Variants in WDR20 observed in about 807,000 individuals in gnomAD.
The protein encoded by WDR20 is WD repeat domain 20.
A neutral mutation model predicts 38.7 loss-of-function variants in WDR20; 3 were observed. The ratio of observed to expected loss-of-function variants is 0.08; its 90% confidence interval spans 0.04 to 0.20. The LOEUF (loss-of-function observed/expected upper bound fraction) is 0.20, where lower values mean the gene tolerates loss of function less well. Among genes scored for constraint, WDR20 ranks in the 10% least tolerant of loss-of-function variants. WDR20 has a pLI of 1.00. For missense variants in WDR20, 559 were observed against 727.7 expected, an observed-to-expected ratio of 0.77 and a Z score of 2.67; for synonymous variants, 298 against 285.6, an observed-to-expected ratio of 1.04 and a Z score of -0.44.
Position 102,181,579 on chromosome 14 carries a change from A to G in WDR20, c.250-13359A>G, listed in dbSNP as rs138359846. ...TCCCCTGATGTAAGACTTAGATTAC[A>G]TAAGATTTTTCCATATTATAAATAT... On this transcript the variant is annotated intron_variant, in intron 1 of 2. Coordinates refer to ENST00000342702, the MANE Select transcript of WDR20 (RefSeq NM_144574.4). 4.7e-3 allele frequency among the ~76,000 whole-genome samples: 708 copies of G among 152,252 alleles called. 6 individuals are homozygous for G. The highest frequency in any genetic ancestry group is 0.016 in the African/African-American group (653 of 41,538).
intron 1 of WDR20, among the ~76,000 whole-genome samples, chr14:102,149,672 AT>A (rs1234646383): frequency 6.6e-6 from 1 of 152,130 alleles, no homozygotes; most frequent in Admixed American, 6.5e-5. Context: ...ATTGAGAAAT[AT>A]TTTGTGTCAT....
chr14:102,212,553 A>T, downstream of WDR20: 1 of 1,535,922 alleles, frequency 6.5e-7, no homozygotes, highest in Non-Finnish European at 8.7e-7. Flanking sequence ...GGAGGACAGG[A>T]TGCAAGGTGT....
At position 102,209,391 on chromosome 14, in the gene WDR20, G is replaced by A. The variant is rs1215214434; in HGVS notation, c.1221G>A (p.Thr407=). Residue 407 remains threonine (T), a synonymous_variant, in exon 3 of 3, where the codon ACG becomes ACA. Transcript: ENST00000342702. This position sits in a 1 kb window ranked among gnomAD's most constrained non-coding sequence, Gnocchi z 6.0. ...ARTHTNVMNA[T]SPPAGSNGNS... is the part of the protein sequence containing the mutation. ...CACACACAAATGTCATGAATGCCACGAGTCCTCCTGCTGGAAGCAATGGGA... is the reference window on the plus strand; with the variant it reads ...CACACACAAATGTCATGAATGCCACAAGTCCTCCTGCTGGAAGCAATGGGA... 7.4e-6 allele frequency: 12 copies of A among 1,614,058 alleles called. No individual in the cohort carries two copies. The highest frequency in any genetic ancestry group is 2.2e-5 in the East Asian group (1 of 44,880).
chr14:102,202,702 T>C (rs895261508), intron 2 of WDR20, among the ~76,000 whole-genome samples: 4 of 151,590 alleles, frequency 2.6e-5, no homozygotes, highest in African/African-American at 9.7e-5. Context: ...TTTTTCAGAG[T>C]TTCACACACT....
intron 2 of WDR20, among the ~76,000 whole-genome samples, chr14:102,206,401 T>C (rs1052166649): frequency 3.9e-5 from 6 of 152,222 alleles, no homozygotes; most frequent in Non-Finnish European, 7.3e-5. Context: ...TGCAAAGCAA[T>C]ACTGTTTTTA....
chr14:102,199,287 A>G (rs981505735), intron 2 of WDR20, among the ~76,000 whole-genome samples: 1 of 151,714 alleles, frequency 6.6e-6, no homozygotes, highest in African/African-American at 2.4e-5. Context: ...TGAGGCTCAG[A>G]TGAGTGAGTT....
At chr14:102,204,774 G>A (rs2061202635) in intron 2 of WDR20, among the ~76,000 whole-genome samples, 1 of 152,234 alleles carries the variant, frequency 6.6e-6, no homozygotes, top group Non-Finnish European at 1.5e-5. Flanking sequence ...AGTTTATCCT[G>A]TAGGTACATT....
intron 1 of WDR20, among the ~76,000 whole-genome samples, chr14:102,187,360 A>G (rs1483446034): frequency 2.0e-5 from 3 of 152,288 alleles, no homozygotes; most frequent in East Asian, 1.9e-4. Flanking sequence ...AGTGTGGCAC[A>G]TAATGATAGG....
chr14:102,169,958 C>G (rs1232127642), intron 1 of WDR20, among the ~76,000 whole-genome samples: 1 of 152,178 alleles, frequency 6.6e-6, no homozygotes, highest in Non-Finnish European at 1.5e-5. Context: ...AATGAAGTCT[C>G]TCACACTTTG....
At chr14:102,223,325 A>C (rs2064117506) in exon 4 of WDR20, 1 of 152,628 alleles carries the variant, frequency 6.6e-6, no homozygotes, top group African/African-American at 2.4e-5. Context: ...TCATAGAGAA[A>C]ACTGTTACTT....
chr14:102,198,269 T>C lies in WDR20; in HGVS notation c.432+3149T>C, dbSNP rs141169525. On this transcript the variant is annotated intron_variant, in intron 2 of 2. Transcript: ENST00000342702. ...TCACCCACCCAAGTACCTGGGATTA[T>C]AGGCCACCTGACTAATTTTTGTATT... The C allele has an allele frequency of 2.1e-3, 716 of 341,506 alleles. 6 individuals are homozygous for C. The highest frequency in any genetic ancestry group is 0.015 in the African/African-American group (655 of 45,126). The allele number at this position is 341,506 out of a possible 1,614,324, so 21.2% of individuals were successfully genotyped here. A position where few individuals can be genotyped will look rare whatever the true frequency, so the allele number is the denominator to read the frequency against.
chr14:102,222,908 C>A lies in WDR20; in HGVS notation c.*25C>A. 1.9e-6 allele frequency: 3 copies of A among 1,613,688 alleles called. No homozygotes were observed. The highest frequency in any genetic ancestry group is 2.5e-6 in the Non-Finnish European group (3 of 1,179,668). ...GCGACCTCACTGCTGCGCGCACAGT[C>A]TCCCGGGACTTGGACTCGAGGGAGT... On this transcript the variant is annotated 3_prime_UTR_variant, in exon 4 of 4. Transcript: ENST00000335263. The surrounding 1 kb of genome is among the most constrained non-coding windows in gnomAD (Gnocchi z 4.4).
At position 102,208,807 on chromosome 14, in the gene WDR20, C is replaced by T. The variant is rs781513294; in HGVS notation, c.637C>T (p.Leu213Phe). 3.2e-5 allele frequency: 51 copies of T among 1,614,260 alleles called. No homozygotes were observed. The South Asian group carries it at 5.6e-4, about 18-fold the overall frequency. Residue 213 changes from leucine to phenylalanine, a missense_variant, in exon 3 of 3, where the codon CTC becomes TTC. By Grantham distance (22) the Leu-to-Phe change is conservative. Transcript: ENST00000342702. This position sits in a 1 kb window ranked among gnomAD's most constrained non-coding sequence, Gnocchi z 5.6. ...CAAGAGCAAATCCACGAGGAACCCT[C>T]TCCTTAAGTGGACGGTGGGCGAGGG... is the stretch of plus-strand genomic sequence containing the variant. Reference protein sequence around the residue: ...TCKSKSTRNPLLKWTVGEGAL... With the variant: ...TCKSKSTRNPFLKWTVGEGAL...
intron 2 of WDR20, among the ~76,000 whole-genome samples, chr14:102,203,302 T>A (rs371257200): frequency 1.3e-5 from 2 of 152,186 alleles, no homozygotes; most frequent in Non-Finnish European, 2.9e-5. Context: ...ATACTGTATT[T>A]TATATATATA....
intron 2 of WDR20, among the ~76,000 whole-genome samples, chr14:102,203,004 T>A (rs1451397789): frequency 6.6e-6 from 1 of 152,196 alleles, no homozygotes; most frequent in South Asian, 2.1e-4. Context: ...CCAGCCACAT[T>A]CTGCCACGCT....
At chr14:102,161,919 G>A (rs1031351842) in intron 1 of WDR20, among the ~76,000 whole-genome samples, 1 of 152,120 alleles carries the variant, frequency 6.6e-6, no homozygotes, top group African/African-American at 2.4e-5. Flanking sequence ...TCTTTGACTT[G>A]TTGTTCCAAA....
chr14:102,161,056 A>G (rs1192676102), intron 1 of WDR20, among the ~76,000 whole-genome samples: 1 of 138,770 alleles, frequency 7.2e-6, no homozygotes, highest in African/African-American at 2.6e-5. Context: ...TTCCACATGT[A>G]TGATAAATTT....
At chr14:102,139,629 C>G, upstream of WDR20, 1 of 644,162 alleles carries the variant, frequency 1.6e-6, no homozygotes, top group Non-Finnish European at 2.6e-6. Context: ...CAACTAGACC[C>G]CACTAGCTGA....
In WDR20 at chr14:102,207,891, T is replaced by C. The variant is rs2061843676; in HGVS notation, c.433-712T>C. Among the ~76,000 whole-genome samples, 1 of 152,186 alleles carries C rather than the reference T, an allele frequency of 6.6e-6. No homozygotes were observed. Among genetic ancestry groups the C allele is most frequent in the Admixed American group, 6.5e-5 (1 of 15,282 alleles). ...AGCATATGGAGCAGAGTGATGGTAATGAGACACACACTCCCGAATGAATCG... is the reference window on the plus strand; with the variant it reads ...AGCATATGGAGCAGAGTGATGGTAACGAGACACACACTCCCGAATGAATCG... On this transcript the variant is annotated intron_variant, in intron 2 of 2. Transcript: ENST00000342702. This position sits in a 1 kb window ranked among gnomAD's most constrained non-coding sequence, Gnocchi z 5.0.
Sources: gnomAD v4.1 joint callset for allele counts (sites outside exome capture counted in the v4.1 genomes callset) on GRCh38, gnomAD v4.1.1 for gene constraint, Gnocchi (gnomAD v3.1) non-coding constraint, MANE v1.5 for transcripts, NCBI Gene and HGNC (gene_info 2026-07-23, HGNC 2026-07-21) for gene names.